ZNF385D: variants seen among roughly 807,000 people sequenced by gnomAD.
The protein encoded by ZNF385D is zinc finger protein 659.
A neutral mutation model predicts 35.8 loss-of-function variants in ZNF385D; 15 were observed. The observed-to-expected ratio is 0.42, with a 90% CI of 0.28 to 0.64. The LOEUF is 0.64. Ranked by LOEUF, ZNF385D falls within the 30% of genes least tolerant of loss-of-function variation. The pLI is 0.23. For synonymous variants in ZNF385D, 212 were observed against 186.8 expected (o/e 1.13, Z -1.10); for missense variants, 474 against 494.6 (o/e 0.96, Z 0.39).
At chr3:21,469,335 G>A (rs541211359) in intron 4 of ZNF385D, among the ~76,000 whole-genome samples, 1 of 152,158 alleles carries the variant, frequency 6.6e-6, no homozygotes, top group African/African-American at 2.4e-5. Flanking sequence ...GTCACTCTGA[G>A]TCCTCTCACA....
In ZNF385D at chr3:22,122,335, T is replaced by C. The variant is rs548624458; in HGVS notation, c.325+46482A>G. Among the ~76,000 whole-genome samples, 293 of 152,284 alleles carry C rather than the reference T, an allele frequency of 1.9e-3. 10 individuals carry two copies. In the South Asian group the frequency reaches 0.055, roughly 29 times the overall value. On this transcript the variant is annotated intron_variant, in intron 3 of 5. Transcript: ENST00000494108. ...TTTTACCCTAAAAAATTGTTTTTTTTCCACTGTAATTGATTCTGGATTTTA... is the reference window on the plus strand; with the variant it reads ...TTTTACCCTAAAAAATTGTTTTTTTCCCACTGTAATTGATTCTGGATTTTA...
At position 21,490,388 on chromosome 3, in the gene ZNF385D, C is replaced by G. The variant is rs534797944; in HGVS notation, c.439+20473G>C. Among the ~76,000 whole-genome samples the G allele has an allele frequency of 2.6e-5, 4 of 152,204 alleles. No homozygotes were observed. In the East Asian group the frequency reaches 7.7e-4, roughly 29 times the overall value. ...AAAAAAATTTTCAAATAAAAAATAT[C>G]ATGATGCTAGGTTTAATTCCCACCT... On this transcript the variant is annotated intron_variant, in intron 4 of 7. Coordinates refer to ENST00000281523, the MANE Select transcript of ZNF385D (RefSeq NM_024697.3).
chr3:21,657,293 G>A (rs1466827048), intron 2 of ZNF385D, among the ~76,000 whole-genome samples: 2 of 151,832 alleles, frequency 1.3e-5, no homozygotes, highest in Non-Finnish European at 2.9e-5. Flanking sequence ...GAGTAAACAA[G>A]GATTAAATAA....
chr3:21,559,541 A>G (rs893152626), intron 3 of ZNF385D, among the ~76,000 whole-genome samples: 1 of 152,152 alleles, frequency 6.6e-6, no homozygotes, highest in African/African-American at 2.4e-5. Context: ...GGTTAGTCTG[A>G]TGGGCTTCCC....
Position 21,421,128 on chromosome 3 carries a change from A to G in ZNF385D, c.*86T>C. 9.0e-7 allele frequency: 1 copy of G among 1,113,276 alleles called. No homozygotes were observed. Among genetic ancestry groups the G allele is most frequent in the Admixed American group, 2.2e-5 (1 of 44,536 alleles). The allele number at this position is 1,113,276 out of a possible 1,614,324, so 69.0% of individuals were successfully genotyped here. On this transcript the variant is annotated 3_prime_UTR_variant, in exon 8 of 8. Transcript: ENST00000281523. ...GCTCTTCAGATATACTTTAAACTAT[A>G]AATAAACACTGCATAGTTCTCTTTT... is the stretch of plus-strand genomic sequence containing the variant.
intron 3 of ZNF385D, among the ~76,000 whole-genome samples, chr3:21,781,180 G>C (rs1339011592): frequency 9.2e-5 from 14 of 151,368 alleles, no homozygotes; most frequent in Admixed American, 9.2e-4. Context: ...TAAGACAAAT[G>C]TAAATCTGGA....
At chr3:22,158,750 G>C (rs1454883722) in intron 3 of ZNF385D, among the ~76,000 whole-genome samples, 1 of 151,598 alleles carries the variant, frequency 6.6e-6, no homozygotes, top group African/African-American at 2.4e-5. Flanking sequence ...GTGGTTAAGA[G>C]AAGGAGTGCC....
At chr3:21,784,391 G>T (rs373309312) in intron 3 of ZNF385D, among the ~76,000 whole-genome samples, 34 of 152,156 alleles carry the variant, frequency 2.2e-4, no homozygotes, top group East Asian at 1.7e-3. Context: ...AATTTCTAAG[G>T]TTGATGCACT....
At chr3:22,102,374 A>G (rs962120475) in intron 3 of ZNF385D, among the ~76,000 whole-genome samples, 3 of 152,078 alleles carry the variant, frequency 2.0e-5, no homozygotes, top group Middle Eastern at 3.2e-3. Context: ...TTAGTCCAAG[A>G]TTGCTTAGAT....
chr3:21,528,631 T>C (rs2061844213), intron 3 of ZNF385D, among the ~76,000 whole-genome samples: 1 of 152,220 alleles, frequency 6.6e-6, no homozygotes, highest in Admixed American at 6.5e-5. Flanking sequence ...AACATTTGAT[T>C]CAATGGATCA....
chr3:22,206,416 A>G (rs1010858189), intron 2 of ZNF385D, among the ~76,000 whole-genome samples: 8 of 152,026 alleles, frequency 5.3e-5, no homozygotes, highest in African/African-American at 1.9e-4. Context: ...AATCTGCACT[A>G]CAGACCAAAT....
In ZNF385D at chr3:22,235,951, A is replaced by C. The variant is rs549433116; in HGVS notation, c.107-66916T>G. On this transcript the variant is annotated intron_variant, in intron 2 of 5. Transcript: ENST00000494108. ...CAAAACTGCACATGCACTTTAACTCATCAGTTCCATTTCTACAAATTTCCT... is the reference window on the plus strand; with the variant it reads ...CAAAACTGCACATGCACTTTAACTCCTCAGTTCCATTTCTACAAATTTCCT... Among the ~76,000 whole-genome samples, 15 of 152,256 alleles carry C rather than the reference A, an allele frequency of 9.9e-5. No homozygotes were observed. The East Asian group carries it at 2.3e-3, about 24-fold the overall frequency.
chr3:21,926,292 A>G (rs1700724008), intron 3 of ZNF385D, among the ~76,000 whole-genome samples: 1 of 151,628 alleles, frequency 6.6e-6, no homozygotes, highest in African/African-American at 2.4e-5. Context: ...CTAGTCCCTC[A>G]TCCCTGACAG....
chr3:21,783,079 C>T (rs2071553929), intron 3 of ZNF385D, among the ~76,000 whole-genome samples: 1 of 152,126 alleles, frequency 6.6e-6, no homozygotes, highest in Non-Finnish European at 1.5e-5. Flanking sequence ...TCACTACTCT[C>T]CTGATTTTTG....
At chr3:21,986,084 G>C (rs1284894879) in intron 3 of ZNF385D, among the ~76,000 whole-genome samples, 2 of 99,204 alleles carry the variant, frequency 2.0e-5, no homozygotes, top group African/African-American at 6.5e-5. Context: ...CTTCCTAGCA[G>C]TCTATCAATT....
intron 3 of ZNF385D, among the ~76,000 whole-genome samples, chr3:21,856,419 C>T (rs1034969836): frequency 3.5e-4 from 53 of 152,176 alleles, no homozygotes; most frequent in African/African-American, 1.2e-3. Context: ...CAACTTCAGA[C>T]TCAACTGCCT....
At chr3:22,330,204 C>T (rs1694872587) in intron 2 of ZNF385D, among the ~76,000 whole-genome samples, 1 of 152,276 alleles carries the variant, frequency 6.6e-6, no homozygotes, top group African/African-American at 2.4e-5. Context: ...CTGCCTTTTA[C>T]ACTTTCATTT....
At chr3:22,026,221 A>G (rs924892926) in intron 3 of ZNF385D, among the ~76,000 whole-genome samples, 2 of 152,208 alleles carry the variant, frequency 1.3e-5, no homozygotes, top group South Asian at 2.1e-4. Context: ...AATTATAAAA[A>G]CAGAGAATCA....
At chr3:21,610,222 A>T (rs17009139) in intron 2 of ZNF385D, among the ~76,000 whole-genome samples, 1 of 152,072 alleles carries the variant, frequency 6.6e-6, no homozygotes, top group Non-Finnish European at 1.5e-5. Context: ...ATGAGCTTCT[A>T]TTACAACAAA....
Sources: gnomAD v4.1 joint callset for allele counts (sites outside exome capture counted in the v4.1 genomes callset) on GRCh38, gnomAD v4.1.1 for gene constraint, MANE v1.5 for transcripts, NCBI Gene and HGNC (gene_info 2026-07-23, HGNC 2026-07-21) for gene names.